The following SMR3A variants were observed in gnomAD, a reference collection of about 807,000 sequenced individuals.
SMR3A encodes the protein submaxillary gland androgen-regulated protein 3A.
For synonymous variants in SMR3A, 48 were observed against 57.4 expected, an observed-to-expected ratio of 0.84 and a Z score of 0.74; for missense variants, 188 against 163.0, an observed-to-expected ratio of 1.15 and a Z score of -0.84.
chr4:70,367,091 C>A lies in SMR3A; in HGVS notation c.*97C>A. On this transcript the variant is annotated 3_prime_UTR_variant, in exon 3 of 3. Coordinates refer to ENST00000226460, the MANE Select transcript of SMR3A (RefSeq NM_012390.4). Reference sequence around the variant, plus strand: ...CCCAAAAATAAGAATTTCAACACTACTTCCAAGAGACTTTTAGATAAAATC... The same window carrying A: ...CCCAAAAATAAGAATTTCAACACTAATTCCAAGAGACTTTTAGATAAAATC... 1 of 1,017,878 alleles carries A rather than the reference C, an allele frequency of 9.8e-7. No homozygotes were observed. The highest frequency in any genetic ancestry group is 1.5e-6 in the Non-Finnish European group (1 of 685,232). The allele number at this position is 1,017,878 out of a possible 1,614,324, so 63.1% of individuals were successfully genotyped here.
intron 1 of SMR3A, 43 bp downstream of exon 1, chr4:70,360,885 C>T (rs551135049): frequency 3.6e-4 from 55 of 152,008 alleles, no homozygotes; most frequent in African/African-American, 1.2e-3. Flanking sequence ...TTTTCTCAGA[C>T]TTTTCATGAG....
Position 70,367,066 on chromosome 4 carries a change from C to A in SMR3A, c.*72C>A, listed in dbSNP as rs1732285025. 13 of 1,312,600 alleles carry A rather than the reference C, an allele frequency of 9.9e-6. No homozygotes were observed. The highest frequency in any genetic ancestry group is 4.4e-5 in the African/African-American group (3 of 67,636). The allele number at this position is 1,312,600 out of a possible 1,614,324, so 81.3% of individuals were successfully genotyped here. ...ACCCTCGTAACTACTGCTTCTACTA[C>A]CCAAAAATAAGAATTTCAACACTAC... On this transcript the variant is annotated 3_prime_UTR_variant, in exon 3 of 3. Transcript: ENST00000226460.
At chr4:70,363,030 C>T (rs1221893390) in intron 2 of SMR3A, among the ~76,000 whole-genome samples, 1 of 151,850 alleles carries the variant, frequency 6.6e-6, no homozygotes, top group Non-Finnish European at 1.5e-5. Flanking sequence ...TGACTTTGGC[C>T]ACCTTCCTGC....
At chr4:70,365,198 T>A (rs182308725) in intron 2 of SMR3A, among the ~76,000 whole-genome samples, 1 of 152,168 alleles carries the variant, frequency 6.6e-6, no homozygotes, top group Admixed American at 6.6e-5. Flanking sequence ...AGAACTGATC[T>A]CTTTAAATCC....
At chr4:70,363,241 C>T (rs1029921644) in intron 2 of SMR3A, among the ~76,000 whole-genome samples, 7 of 151,824 alleles carry the variant, frequency 4.6e-5, no homozygotes, top group African/African-American at 1.2e-4. Context: ...ACAGAGCTTT[C>T]CAATAATATA....
intron 2 of SMR3A, among the ~76,000 whole-genome samples, chr4:70,365,724 G>A (rs1732246583): frequency 6.6e-6 from 1 of 152,140 alleles, no homozygotes; most frequent in East Asian, 2.0e-4. Context: ...CAAACTGCCA[G>A]GTTGACATTC....
intron 2 of SMR3A, among the ~76,000 whole-genome samples, chr4:70,362,493 T>C (rs1577869198): frequency 6.6e-6 from 1 of 151,740 alleles, no homozygotes; most frequent in Admixed American, 6.6e-5. Context: ...AAAGTAGTTG[T>C]TCCTAACATA....
At chr4:70,363,659 G>A (rs79005676) in intron 2 of SMR3A, among the ~76,000 whole-genome samples, 1 of 151,922 alleles carries the variant, frequency 6.6e-6, no homozygotes, top group African/African-American at 2.4e-5. Flanking sequence ...TTAGCCAGTT[G>A]TGGAAAGGGA....
chr4:70,362,303 A>C, intron 2 of SMR3A, 134 bp downstream of exon 2: 1 of 1,480,624 alleles, frequency 6.8e-7, no homozygotes, highest in South Asian at 1.4e-5. Context: ...ACACTGTTCT[A>C]GTGGTTAAAT....
intron 2 of SMR3A, among the ~76,000 whole-genome samples, chr4:70,364,528 C>T (rs1732220349): frequency 6.6e-6 from 1 of 151,918 alleles, no homozygotes; most frequent in Admixed American, 6.6e-5. Context: ...AAAGAGAAGA[C>T]TGACAGAGCC....
chr4:70,361,995 C>T (rs1200202485), intron 1 of SMR3A, 107 bp from the exon 2 acceptor site: 2 of 1,511,494 alleles, frequency 1.3e-6, no homozygotes, highest in East Asian at 4.8e-5. Flanking sequence ...CCTAAAAAGG[C>T]TACAGTAGTA....
intron 2 of SMR3A, among the ~76,000 whole-genome samples, chr4:70,362,873 G>A (rs966948955): frequency 6.6e-6 from 1 of 151,762 alleles, no homozygotes; most frequent in African/African-American, 2.4e-5. Flanking sequence ...AAATATGAAA[G>A]CTGATTTTTT....
At position 70,366,729 on chromosome 4, in the gene SMR3A, C is replaced by A. The variant is rs758890643; in HGVS notation, c.140C>A (p.Thr47Lys). Residue 47 changes from threonine to lysine, a missense_variant, in exon 3 of 3, where the codon ACA becomes AAA. By Grantham distance (78) the Thr-to-Lys change is moderately conservative (BLOSUM62 -1). Coordinates refer to ENST00000226460, the MANE Select transcript of SMR3A (RefSeq NM_012390.4). ...CCTCCACCATGTTTTCCTTTTGGAACAGGATTTGTTCCACCACCCCATCCT... is the reference window on the plus strand; with the variant it reads ...CCTCCACCATGTTTTCCTTTTGGAAAAGGATTTGTTCCACCACCCCATCCT... ...PPPPPCFPFG[T>K]GFVPPPHPPP... 4 of 1,613,330 alleles carry A rather than the reference C, an allele frequency of 2.5e-6. No individual in the cohort carries two copies. The African/African-American group carries it at 5.3e-5, about 22-fold the overall frequency.
At chr4:70,366,584 A>T in intron 2 of SMR3A, 60 bp from the exon 3 acceptor site, 1 of 1,441,498 alleles carries the variant, frequency 6.9e-7, no homozygotes, top group Non-Finnish European at 9.4e-7. Context: ...GAAACCATTC[A>T]CCCTTATATT....
chr4:70,367,112 A>G lies in SMR3A; in HGVS notation c.*118A>G. On this transcript the variant is annotated 3_prime_UTR_variant, in exon 3 of 3. Coordinates refer to ENST00000226460, the MANE Select transcript of SMR3A (RefSeq NM_012390.4). ...ACTACTTCCAAGAGACTTTTAGATA[A>G]AATCACTTCCATTTTTGGATGAGAA... 1 of 840,702 alleles carries G rather than the reference A, an allele frequency of 1.2e-6. No homozygotes were observed. The highest frequency in any genetic ancestry group is 1.8e-6 in the Non-Finnish European group (1 of 542,514). 52.1% of individuals were successfully genotyped at this position (840,702 alleles called of 1,614,324 possible). A position where few individuals can be genotyped will look rare whatever the true frequency, so the allele number is the denominator to read the frequency against.
rs878909443 is a variant in SMR3A, at chr4:70,366,791, T to C, written c.202T>C (p.Ser68Pro). ...YGPGRFPPPLSPPYGPGRIPP... is the reference protein window; with the variant it reads ...YGPGRFPPPLPPPYGPGRIPP... ...TCCAGGGAGATTTCCACCACCCCTT[T>C]CTCCACCCTATGGTCCAGGGAGAAT... Residue 68 changes from serine (S) to proline (P), a missense_variant, in exon 3 of 3, where the codon TCT (serine) becomes CCT (proline). Transcript: ENST00000226460. The C allele has an allele frequency of 9.9e-6, 16 of 1,611,658 alleles. No individual in the cohort carries two copies. The highest frequency in any genetic ancestry group is 1.6e-4 in the Middle Eastern group (1 of 6,072).
Position 70,366,738 on chromosome 4 carries a change from T to C in SMR3A, c.149T>C (p.Val50Ala). The C allele has an allele frequency of 6.2e-7, 1 of 1,612,276 alleles. No homozygotes were observed. The part of the protein sequence containing the change: ...PPCFPFGTGF[V>A]PPPHPPPYGP... ...TGTTTTCCTTTTGGAACAGGATTTG[T>C]TCCACCACCCCATCCTCCACCCTAT... Residue 50 changes from valine to alanine, a missense_variant, in exon 3 of 3, where the codon GTT becomes GCT. Physicochemically the swap from Val to Ala is moderately conservative, Grantham distance 64. Transcript: ENST00000226460.
chr4:70,366,630 C>G lies in SMR3A; in HGVS notation c.55-14C>G. On this transcript the variant is annotated splice_polypyrimidine_tract_variant and intron_variant, in intron 2 of 2. Coordinates refer to ENST00000226460, the MANE Select transcript of SMR3A (RefSeq NM_012390.4). Reference sequence around the variant, plus strand: ...ATATCTGATTTAAAATTATTTACTTCTTTGTTTCCACAGCCTGGTGAGAGT... The same window carrying G: ...ATATCTGATTTAAAATTATTTACTTGTTTGTTTCCACAGCCTGGTGAGAGT... 3 of 1,568,116 alleles carry G rather than the reference C, an allele frequency of 1.9e-6. No individual in the cohort carries two copies. Among genetic ancestry groups the G allele is most frequent in the Non-Finnish European group, 1.7e-6 (2 of 1,155,490 alleles).
chr4:70,364,153 G>T, intron 2 of SMR3A, among the ~76,000 whole-genome samples: 1 of 152,054 alleles, frequency 6.6e-6, no homozygotes, highest in Non-Finnish European at 1.5e-5. Flanking sequence ...CAGGAAAGAG[G>T]TGAAAAGGAG....
Sources: gnomAD v4.1 joint callset for allele counts (sites outside exome capture counted in the v4.1 genomes callset) on GRCh38, gnomAD v4.1.1 for gene constraint, MANE v1.5 for transcripts, NCBI Gene and HGNC (gene_info 2026-07-23, HGNC 2026-07-21) for gene names.